The following ITPR1 variants were observed in gnomAD, a reference collection of about 807,000 sequenced individuals.
The protein encoded by ITPR1 is inositol 1,4,5-trisphosphate-gated calcium channel ITPR1.
In ITPR1, 96 loss-of-function variants were observed where a neutral mutation model predicts 318.4. The ratio of observed to expected loss-of-function variants is 0.30; its 90% CI spans 0.26 to 0.36. ITPR1 has a LOEUF of 0.36. Among genes scored for constraint, ITPR1 ranks in the 10% least tolerant of loss-of-function variants. The pLI is 1.00. For synonymous variants in ITPR1, 1,312 were observed against 1,289.9 expected (o/e 1.02, Z -0.37); for missense variants, 2,440 against 3,460.2 (o/e 0.71, Z 7.40).
chr3:4,690,680 C>A (rs2094466987), intron 31 of ITPR1, among the ~76,000 whole-genome samples: 1 of 152,064 alleles, frequency 6.6e-6, no homozygotes, highest in Non-Finnish European at 1.5e-5. Context: ...ATGTTACTAT[C>A]TATTAAAACT....
Position 4,699,953 on chromosome 3 carries a change from C to A in ITPR1, c.4536+12C>A. ...GTACGACTTTGCAGGTAAGAAATAACCAACGTCAAGCAGAATGTTCACGAT... is the reference window on the plus strand; with the variant it reads ...GTACGACTTTGCAGGTAAGAAATAAACAACGTCAAGCAGAATGTTCACGAT... On this transcript the variant is annotated intron_variant, in intron 35 of 61. Coordinates refer to ENST00000649015, the MANE Select transcript of ITPR1 (RefSeq NM_001378452.1). 2 of 1,610,634 alleles carry A rather than the reference C, an allele frequency of 1.2e-6. No individual in the cohort carries two copies. The highest frequency in any genetic ancestry group is 8.5e-7 in the Non-Finnish European group (1 of 1,177,242).
chr3:4,524,291 A>T (rs1268221029), intron 4 of ITPR1, among the ~76,000 whole-genome samples: 1 of 133,688 alleles, frequency 7.5e-6, no homozygotes, highest in Non-Finnish European at 1.6e-5. Flanking sequence ...GCGGTGCAGC[A>T]TACTTTGACG....
At chr3:4,757,337 T>C (rs1389049322) in intron 44 of ITPR1, among the ~76,000 whole-genome samples, 1 of 152,152 alleles carries the variant, frequency 6.6e-6, no homozygotes, top group Non-Finnish European at 1.5e-5. Context: ...AAGGGGATTG[T>C]TTGGGAACCC....
intron 40 of ITPR1, among the ~76,000 whole-genome samples, chr3:4,724,054 G>A (rs1295507737): frequency 6.6e-6 from 1 of 152,132 alleles, no homozygotes; most frequent in Non-Finnish European, 1.5e-5. Flanking sequence ...CCTGTGCTCT[G>A]CTTTTACTTT....
chr3:4,529,618 G>A (rs1288890589), intron 4 of ITPR1, among the ~76,000 whole-genome samples: 2 of 152,148 alleles, frequency 1.3e-5, no homozygotes, highest in African/African-American at 4.8e-5. Flanking sequence ...GCAATCCTGT[G>A]CCAAAACTAG....
rs1377734504 is a variant in ITPR1 at position 4,846,211 on chromosome 3, C to A, written c.8263C>A (p.Gln2755Lys). ...TCCTCCTCACATGAATGTCAACCCA[C>A]AACAACCAGCATAAGCAAATGAAAG... is the stretch of plus-strand genomic sequence containing the variant. ...GHPPHMNVNPQQPA is the reference protein window; with the variant it reads ...GHPPHMNVNPKQPA Residue 2755 changes from glutamine (Q) to lysine (K), a missense_variant, in exon 62 of 62, where the codon CAA (glutamine) becomes AAA (lysine). Gln to Lys is a moderately conservative substitution (Grantham distance 53). Transcript: ENST00000649015. 5 of 1,557,786 alleles carry A rather than the reference C, an allele frequency of 3.2e-6. No homozygotes were observed. The highest frequency in any genetic ancestry group is 4.4e-6 in the Non-Finnish European group (5 of 1,147,878).
At chr3:4,705,686 G>A (rs55895837) in intron 36 of ITPR1, among the ~76,000 whole-genome samples, 21,861 of 152,216 alleles carry the variant, frequency 0.14, 2,125 homozygotes, top group Non-Finnish European at 0.22. Context: ...GAAGAAAGAA[G>A]CACCTATCCA....
At chr3:4,544,830 G>T (rs1292278624) in intron 4 of ITPR1, among the ~76,000 whole-genome samples, 2 of 152,160 alleles carry the variant, frequency 1.3e-5, no homozygotes, top group Non-Finnish European at 2.9e-5. Flanking sequence ...GTCTTACTCT[G>T]TTGCCCAGAC....
intron 53 of ITPR1, among the ~76,000 whole-genome samples, chr3:4,796,477 A>C (rs1039116277): frequency 3.3e-5 from 5 of 152,182 alleles, no homozygotes; most frequent in Admixed American, 6.5e-5. Flanking sequence ...GCGGCGGCGG[A>C]GGAGGCCCAG....
chr3:4,805,088 C>T (rs2048475032), intron 54 of ITPR1, among the ~76,000 whole-genome samples: 2 of 152,310 alleles, frequency 1.3e-5, no homozygotes, highest in South Asian at 4.1e-4. Flanking sequence ...CCTTCAGTTG[C>T]AGATGTCAGA....
rs1162960742 is a variant in ITPR1, at chr3:4,710,117, C to T, written c.4843-208C>T. 1.3e-5 allele frequency among the ~76,000 whole-genome samples: 2 copies of T among 152,192 alleles called. No homozygotes were observed. The highest frequency in any genetic ancestry group is 4.8e-5 in the African/African-American group (2 of 41,444). ...AAAGAAGGGGTGGTGGGAAAGTTGA[C>T]TTGTTTTCACTTTGTTTTCTGCATC... On this transcript the variant is annotated intron_variant, in intron 37 of 61. Transcript: ENST00000649015. This position sits in a 1 kb window ranked among gnomAD's most constrained non-coding sequence, Gnocchi z 4.2.
At chr3:4,756,706 T>C (rs995738334) in intron 44 of ITPR1, among the ~76,000 whole-genome samples, 3 of 152,168 alleles carry the variant, frequency 2.0e-5, no homozygotes, top group Non-Finnish European at 2.9e-5. Context: ...AAATTCTACA[T>C]TGTGACACTT....
At chr3:4,592,377 T>G (rs2090460860) in intron 4 of ITPR1, among the ~76,000 whole-genome samples, 2 of 152,238 alleles carry the variant, frequency 1.3e-5, no homozygotes. Flanking sequence ...ATTTTGCTCA[T>G]GAAGTATAAA....
At chr3:4,756,321 C>G (rs979765937) in intron 44 of ITPR1, among the ~76,000 whole-genome samples, 1 of 142,120 alleles carries the variant, frequency 7.0e-6, no homozygotes, top group Non-Finnish European at 1.6e-5. Flanking sequence ...AAATTTCAGC[C>G]AAATTTTTTT....
rs1458820527 is a variant in ITPR1, at chr3:4,711,748, C to G, written c.4992-9C>G. The G allele has an allele frequency of 1.5e-5, 22 of 1,463,402 alleles. No homozygotes were observed. The highest frequency in any genetic ancestry group is 2.0e-5 in the Non-Finnish European group (21 of 1,066,740). The allele number at this position is 1,463,402 out of a possible 1,614,324, so 90.7% of individuals were successfully genotyped here. A position where few individuals can be genotyped will look rare whatever the true frequency, so the allele number is the denominator to read the frequency against. On this transcript the variant is annotated splice_polypyrimidine_tract_variant and intron_variant, in intron 38 of 61. Transcript: ENST00000649015. Reference sequence around the variant, plus strand: ...CAAGGAAGTAATCCGTGGTTTTCCCCCCATTCAGGTTAATAAAGCATACAA... The same window carrying G: ...CAAGGAAGTAATCCGTGGTTTTCCCGCCATTCAGGTTAATAAAGCATACAA...
At chr3:4,552,615 A>G (rs974878308) in intron 4 of ITPR1, among the ~76,000 whole-genome samples, 24 of 152,252 alleles carry the variant, frequency 1.6e-4, no homozygotes, top group African/African-American at 5.3e-4. Context: ...CTGCCTCCAC[A>G]TGTTCAGTTA....
chr3:4,666,460 T>C (rs1168650673), intron 17 of ITPR1, among the ~76,000 whole-genome samples: 1 of 152,162 alleles, frequency 6.6e-6, no homozygotes, highest in Admixed American at 6.5e-5. Flanking sequence ...TCAAGACACT[T>C]TGCTTGTACA....
At chr3:4,572,572 A>C (rs1423556815) in intron 4 of ITPR1, among the ~76,000 whole-genome samples, 1 of 152,166 alleles carries the variant, frequency 6.6e-6, no homozygotes, top group Non-Finnish European at 1.5e-5. Context: ...TGTGAGTTTC[A>C]TTTTTTAAAA....
intron 4 of ITPR1, among the ~76,000 whole-genome samples, chr3:4,573,628 C>G (rs1468773107): frequency 6.6e-6 from 1 of 152,210 alleles, no homozygotes; most frequent in East Asian, 1.9e-4. Context: ...TGGCTTCAGA[C>G]ACACTGGTTT....
Sources: allele counts gnomAD v4.1 joint callset (sites outside exome capture counted in the v4.1 genomes callset), GRCh38; gene constraint gnomAD v4.1.1; non-coding constraint Gnocchi (gnomAD v3.1); transcripts MANE v1.5; gene names NCBI Gene and HGNC (gene_info 2026-07-23, HGNC 2026-07-21).